The following PCCA variants were observed in gnomAD, a reference collection of about 807,000 sequenced individuals.
PCCA encodes the protein propionyl-CoA carboxylase alpha chain, mitochondrial.
In PCCA, 74 loss-of-function variants were observed where a neutral mutation model predicts 101.3. The ratio of observed to expected loss-of-function variants is 0.73; its 90% CI spans 0.61 to 0.89. The LOEUF (loss-of-function observed/expected upper bound fraction) is 0.89, where lower values mean the gene tolerates loss of function less well. Among genes scored for constraint, PCCA ranks in the 40% least tolerant of loss-of-function variants. PCCA has a pLI of 0.00. For missense variants in PCCA, 891 were observed against 907.0 expected, an observed-to-expected ratio of 0.98 and a Z score of 0.23; for synonymous variants, 294 against 313.6, an observed-to-expected ratio of 0.94 and a Z score of 0.66.
chr13:100,300,859 G>C (rs555022172), intron 12 of PCCA, among the ~76,000 whole-genome samples: 39 of 152,354 alleles, frequency 2.6e-4, no homozygotes, highest in Middle Eastern at 6.8e-3. Context: ...AGAGCAGAGC[G>C]ATCGCACTGG....
intron 4 of PCCA, among the ~76,000 whole-genome samples, chr13:100,150,021 G>C (rs1220504747): frequency 6.6e-6 from 1 of 151,970 alleles, no homozygotes; most frequent in Non-Finnish European, 1.5e-5. Flanking sequence ...TTTAAATGCA[G>C]GCATAATTCC....
intron 21 of PCCA, among the ~76,000 whole-genome samples, chr13:100,503,439 G>A (rs948262783): frequency 2.0e-5 from 3 of 152,118 alleles, no homozygotes; most frequent in Non-Finnish European, 4.4e-5. Flanking sequence ...GTGGTGAGCC[G>A]AGGTTGCGCC....
At chr13:100,462,530 A>T (rs557405359) in intron 21 of PCCA, among the ~76,000 whole-genome samples, 1 of 152,310 alleles carries the variant, frequency 6.6e-6, no homozygotes, top group African/African-American at 2.4e-5. Flanking sequence ...AGCAGAGCGA[A>T]TTGTAGATCT....
intron 16 of PCCA, among the ~76,000 whole-genome samples, chr13:100,318,192 A>G (rs2067580849): frequency 6.6e-6 from 1 of 152,066 alleles, no homozygotes; most frequent in Admixed American, 6.6e-5. Flanking sequence ...TCACACGCTG[A>G]ATGCCTATTG....
chr13:100,201,246 C>T (rs979300419), intron 6 of PCCA, among the ~76,000 whole-genome samples: 1 of 151,984 alleles, frequency 6.6e-6, no homozygotes, highest in Non-Finnish European at 1.5e-5. Flanking sequence ...AAGTAAATCC[C>T]GACTCTTTTT....
rs150357332 is a variant in PCCA, at chr13:100,284,267, G to A, written c.1065+10921G>A. Among the ~76,000 whole-genome samples the A allele has an allele frequency of 3.4e-4, 52 of 152,278 alleles. No homozygotes were observed. In the East Asian group the frequency reaches 9.7e-3, roughly 28 times the overall value. The stretch of plus-strand genomic sequence containing the variant: ...GAAAGTCCCACACCTTTATTAGGGA[G>A]GGATATATTAGCCAAGGCTGGAGCT... On this transcript the variant is annotated intron_variant, in intron 12 of 23. Coordinates refer to ENST00000376285, the MANE Select transcript of PCCA (RefSeq NM_000282.4).
At chr13:100,224,408 C>T (rs1307262668) in intron 7 of PCCA, among the ~76,000 whole-genome samples, 1 of 152,218 alleles carries the variant, frequency 6.6e-6, no homozygotes, top group East Asian at 1.9e-4. Flanking sequence ...CAGCTAGCAG[C>T]CCTGGTTCCC....
At chr13:100,529,219 G>C (rs1056020710) in intron 23 of PCCA, among the ~76,000 whole-genome samples, 1 of 152,148 alleles carries the variant, frequency 6.6e-6, no homozygotes, top group African/African-American at 2.4e-5. Context: ...GAGAAAAAAA[G>C]TTCACAAAGG....
intron 4 of PCCA, among the ~76,000 whole-genome samples, chr13:100,128,610 G>T (rs546216993): frequency 6.6e-6 from 1 of 152,114 alleles, no homozygotes; most frequent in Non-Finnish European, 1.5e-5. Flanking sequence ...GACCGCGTGC[G>T]CAAAGGCTCT....
Position 100,228,546 on chromosome 13 carries a change from A to T in PCCA, c.601-7296A>T, listed in dbSNP as rs539441564. Among the ~76,000 whole-genome samples the T allele has an allele frequency of 2.0e-5, 3 of 152,254 alleles. No individual in the cohort carries two copies. The South Asian group carries it at 6.2e-4, about 32-fold the overall frequency. On this transcript the variant is annotated intron_variant, in intron 7 of 23. Transcript: ENST00000376285. ...CTCCACTTTTTCTTCAAATATTGCC[A>T]AGCTGTATTTGTGAAGAGATAATGT...
Position 100,235,818 on chromosome 13 carries a change from G to C in PCCA, c.601-24G>C, listed in dbSNP as rs747170773. 3.0e-5 allele frequency: 47 copies of C among 1,573,778 alleles called. No individual in the cohort carries two copies. In the Middle Eastern group the frequency reaches 8.3e-4, roughly 28 times the overall value. On this transcript the variant is annotated intron_variant, in intron 7 of 23. Transcript: ENST00000376285. ...TGCAATGCCTCATGGGATTAATGTTGAGTCTCATTTCCTGCTTTTACAGGA... is the reference window on the plus strand; with the variant it reads ...TGCAATGCCTCATGGGATTAATGTTCAGTCTCATTTCCTGCTTTTACAGGA...
intron 18 of PCCA, among the ~76,000 whole-genome samples, chr13:100,348,771 T>TTC (rs1566976199): frequency 7.6e-5 from 7 of 92,034 alleles, no homozygotes; most frequent in East Asian, 5.0e-4. Context: ...TTTCTTTCTT[T>TTC]CTTTCTTTCT....
chr13:100,100,265 G>C (rs898022742), intron 1 of PCCA, among the ~76,000 whole-genome samples: 5 of 152,144 alleles, frequency 3.3e-5, no homozygotes, highest in African/African-American at 1.2e-4. Context: ...GCCATTTTCA[G>C]GCATTTCTTT....
At chr13:100,344,024 G>A (rs1168858191) in intron 18 of PCCA, among the ~76,000 whole-genome samples, 10 of 152,168 alleles carry the variant, frequency 6.6e-5, no homozygotes, top group Non-Finnish European at 8.8e-5. Flanking sequence ...GCAGTGAGCC[G>A]AGATCACGCC....
intron 21 of PCCA, among the ~76,000 whole-genome samples, chr13:100,480,796 A>G (rs905558143): frequency 2.6e-5 from 4 of 152,164 alleles, no homozygotes; most frequent in Non-Finnish European, 4.4e-5. Context: ...CTTGGACACA[A>G]TGGGTTTTCT....
At chr13:100,121,739 G>A (rs542010680) in intron 4 of PCCA, among the ~76,000 whole-genome samples, 1 of 152,284 alleles carries the variant, frequency 6.6e-6, no homozygotes, top group South Asian at 2.1e-4. Context: ...CTCCCAAAGT[G>A]CTGGGATTAC....
At chr13:100,284,182 C>T (rs2064384974) in intron 12 of PCCA, among the ~76,000 whole-genome samples, 1 of 152,242 alleles carries the variant, frequency 6.6e-6, no homozygotes, top group Admixed American at 6.5e-5. Flanking sequence ...GTATTTCTCC[C>T]ACCTCCTCAG....
At chr13:100,257,913 T>A (rs568735264) in intron 9 of PCCA, among the ~76,000 whole-genome samples, 1 of 152,204 alleles carries the variant, frequency 6.6e-6, no homozygotes. Context: ...AAGGATTTTC[T>A]TTTTGTTTTT....
At chr13:100,226,626 A>G (rs2060159338) in intron 7 of PCCA, among the ~76,000 whole-genome samples, 2 of 152,192 alleles carry the variant, frequency 1.3e-5, no homozygotes, top group Non-Finnish European at 2.9e-5. Flanking sequence ...CCAGTGCATT[A>G]TAAGAGAGGA....
Sources: gnomAD v4.1 joint callset for allele counts (sites outside exome capture counted in the v4.1 genomes callset) on GRCh38, gnomAD v4.1.1 for gene constraint, MANE v1.5 for transcripts, NCBI Gene and HGNC (gene_info 2026-07-23, HGNC 2026-07-21) for gene names.